Variants in ACVR2B observed in about 807,000 individuals in gnomAD.
The protein encoded by ACVR2B is activin A receptor type 2B.
ACVR2B carries 18 observed loss-of-function variants against 65.1 expected under a neutral mutation model. The ratio of observed to expected loss-of-function variants is 0.28; its 90% CI spans 0.19 to 0.41. The LOEUF is 0.41. Among genes scored for constraint, ACVR2B ranks in the 10% least tolerant of loss-of-function variants. ACVR2B has a pLI of 1.00. For missense variants in ACVR2B, 482 were observed against 682.7 expected (o/e 0.71, Z 3.28); for synonymous variants, 298 against 277.7 (o/e 1.07, Z -0.73).
At position 38,477,109 on chromosome 3, in the gene ACVR2B, TAAG is replaced by T; in HGVS notation, c.53-176_53-174del. The T allele has an allele frequency of 1.5e-6, 1 of 648,426 alleles. No individual in the cohort carries two copies. The highest frequency in any genetic ancestry group is 2.7e-6 in the Non-Finnish European group (1 of 373,788). The allele number at this position is 648,426 out of a possible 1,614,324, so 40.2% of individuals were successfully genotyped here. A position where few individuals can be genotyped will look rare whatever the true frequency, so the allele number is the denominator to read the frequency against. On this transcript the variant is annotated intron_variant, in intron 1 of 10. Transcript: ENST00000352511. The surrounding 1 kb of genome is among the most constrained non-coding windows in gnomAD (Gnocchi z 6.7). ...CTGGTGCCAGCTGGCACACGTAAAT[TAAG>T]AGGTGTGGGACGGATGGGTGGCCTA... is the stretch of plus-strand genomic sequence containing the variant.
In ACVR2B at chr3:38,478,391, C is replaced by A; in HGVS notation, c.539C>A (p.Pro180Gln). 6.2e-7 allele frequency: 1 copy of A among 1,614,112 alleles called. No individual in the cohort carries two copies. Among genetic ancestry groups the A allele is most frequent in the Non-Finnish European group, 8.5e-7 (1 of 1,179,994 alleles). The change falls in exon 5 of 11, where the codon CCA becomes CAA. Residue 180 changes from proline (P) to glutamine (Q), a missense_variant. Coordinates refer to ENST00000352511, the MANE Select transcript of ACVR2B (RefSeq NM_001106.4). Reference sequence around the variant, plus strand: ...CTCCCCCAGGACCCTGGGCCTCCACCACCATCCCCTCTGGTGGGCCTGAAG... The same window carrying A: ...CTCCCCCAGGACCCTGGGCCTCCACAACCATCCCCTCTGGTGGGCCTGAAG... ...VDIHEDPGPPPPSPLVGLKPL... is the reference protein window; with the variant it reads ...VDIHEDPGPPQPSPLVGLKPL...
intron 1 of ACVR2B, among the ~76,000 whole-genome samples, chr3:38,460,879 C>G (rs1417469060): frequency 6.6e-6 from 1 of 152,180 alleles, no homozygotes; most frequent in Non-Finnish European, 1.5e-5. Context: ...AAAATTAGTT[C>G]TGGAGAAGGA....
intron 1 of ACVR2B, among the ~76,000 whole-genome samples, chr3:38,462,478 A>G (rs1041824860): frequency 6.6e-6 from 1 of 152,206 alleles, no homozygotes; most frequent in African/African-American, 2.4e-5. Context: ...CTACTATTCT[A>G]ACTTCTAACA....
In ACVR2B at chr3:38,477,965, C is replaced by T. The variant is rs760979000; in HGVS notation, c.365C>T (p.Pro122Leu). 16 of 1,613,880 alleles carry T rather than the reference C, an allele frequency of 9.9e-6. No homozygotes were observed. The highest frequency in any genetic ancestry group is 5.3e-5 in the African/African-American group (4 of 74,898). Residue 122 changes from proline to leucine, a missense_variant, in exon 3 of 11, where the codon CCG becomes CTG. By Grantham distance (98) the Pro-to-Leu change is moderately conservative. Around this residue, in one of 5 missense-constraint regions of ACVR2B, gnomAD observed 85 missense variants for 137.3 expected, o/e 0.62. Coordinates refer to ENST00000352511, the MANE Select transcript of ACVR2B (RefSeq NM_001106.4). The surrounding 1 kb of genome is among the most constrained non-coding windows in gnomAD (Gnocchi z 6.7). ...RFTHLPEAGG[P>L]EVTYEPPPTA... ...ACTCATTTGCCAGAGGCTGGGGGCCCGGAAGGTAAGGGGGCAGTGTGGAAG... is the reference window on the plus strand; with the variant it reads ...ACTCATTTGCCAGAGGCTGGGGGCCTGGAAGGTAAGGGGGCAGTGTGGAAG...
rs10421 is a variant in ACVR2B at position 38,483,354 on chromosome 3, C to G, written c.*22C>G. 1 of 1,613,318 alleles carries G rather than the reference C, an allele frequency of 6.2e-7. No homozygotes were observed. ...CTAAGCCCAGGACATGAGTGTCTGT[C>G]CAGACTCAGTGGATCTGAAGAAAAA... On this transcript the variant is annotated 3_prime_UTR_variant, in exon 11 of 11. Coordinates refer to ENST00000352511, the MANE Select transcript of ACVR2B (RefSeq NM_001106.4). The surrounding 1 kb of genome is among the most constrained non-coding windows in gnomAD (Gnocchi z 4.8).
At chr3:38,457,971 G>C (rs1709578347) in intron 1 of ACVR2B, among the ~76,000 whole-genome samples, 1 of 152,142 alleles carries the variant, frequency 6.6e-6, no homozygotes, top group South Asian at 2.1e-4. Flanking sequence ...GGGCACTCGA[G>C]GCTCTGCCCT....
At position 38,453,945 on chromosome 3, in the gene ACVR2B, T is replaced by TC. The variant is rs748368722; in HGVS notation, c.-371dup. ...CATTTTGGACTCGGTTCAGCTCCCC[T>TC]CCCCCCCACCCCTCCCCCCGTTCAT... On this transcript the variant is annotated 5_prime_UTR_variant, in exon 1 of 11. Transcript: ENST00000352511. The TC allele has an allele frequency of 2.3e-4, 15 of 65,650 alleles. No homozygotes were observed. Among genetic ancestry groups the TC allele is most frequent in the East Asian group, 8.3e-4 (2 of 2,408 alleles). 4.1% of individuals were successfully genotyped at this position (65,650 alleles called of 1,614,324 possible).
chr3:38,460,121 GT>G (rs1003910325), intron 1 of ACVR2B, among the ~76,000 whole-genome samples: 40 of 152,298 alleles, frequency 2.6e-4, no homozygotes, highest in Admixed American at 9.1e-4. Flanking sequence ...AGACTTCCTA[GT>G]TCCATCTGTT....
At chr3:38,478,096 G>A in intron 3 of ACVR2B, 45 bp from the exon 4 acceptor site, 1 of 1,610,374 alleles carries the variant, frequency 6.2e-7, no homozygotes. Flanking sequence ...CTGGAAGTGT[G>A]AGGGTGGGCA....
In ACVR2B at chr3:38,477,624, T is replaced by A; in HGVS notation, c.260+130T>A. 7 of 1,193,452 alleles carry A rather than the reference T, an allele frequency of 5.9e-6. No individual in the cohort carries two copies. The highest frequency in any genetic ancestry group is 8.5e-6 in the Non-Finnish European group (7 of 821,228). The allele number at this position is 1,193,452 out of a possible 1,614,324, so 73.9% of individuals were successfully genotyped here. ...GAAGGGGCTCTTGAGATGGTAGCCA[T>A]GGCCCCACGCCCTTCCACACCCTAT... is the stretch of plus-strand genomic sequence containing the variant. On this transcript the variant is annotated intron_variant, in intron 2 of 10. Coordinates refer to ENST00000352511, the MANE Select transcript of ACVR2B (RefSeq NM_001106.4). This position sits in a 1 kb window ranked among gnomAD's most constrained non-coding sequence, Gnocchi z 6.7.
In ACVR2B at chr3:38,487,500, G is replaced by C. The variant is rs1291262093; in HGVS notation, c.*4168G>C. 6.6e-6 allele frequency: 1 copy of C among 152,324 alleles called. No homozygotes were observed. 9.4% of individuals were successfully genotyped at this position (152,324 alleles called of 1,614,324 possible). A position where few individuals can be genotyped will look rare whatever the true frequency, so the allele number is the denominator to read the frequency against. Reference sequence around the variant, plus strand: ...ATCCTGCTATGCTTTGTGTGCTCGGGCTGTGTGTGGGGTTTTTCCCTGGTG... The same window carrying C: ...ATCCTGCTATGCTTTGTGTGCTCGGCCTGTGTGTGGGGTTTTTCCCTGGTG... On this transcript the variant is annotated 3_prime_UTR_variant, in exon 11 of 11. Transcript: ENST00000352511.
chr3:38,454,506 C>CG, intron 1 of ACVR2B, 132 bp downstream of exon 1: 1 of 837,028 alleles, frequency 1.2e-6, no homozygotes, highest in Non-Finnish European at 1.6e-6. Context: ...CCCTCACCTC[C>CG]GGGGGCGTGG....
intron 1 of ACVR2B, among the ~76,000 whole-genome samples, chr3:38,457,134 G>T (rs991929865): frequency 6.6e-6 from 1 of 152,164 alleles, no homozygotes; most frequent in African/African-American, 2.4e-5. Flanking sequence ...AACCCGGGAG[G>T]TAGAGGTTGC....
intron 1 of ACVR2B, among the ~76,000 whole-genome samples, chr3:38,456,576 T>C (rs966356064): frequency 6.6e-6 from 1 of 152,194 alleles, no homozygotes; most frequent in Admixed American, 6.5e-5. Flanking sequence ...GAAATTTATA[T>C]TGTCAAAGTT....
Position 38,478,376 on chromosome 3 carries a change from A to ACC in ACVR2B, c.526_527dup (p.Gly177LeufsTer12). 6.2e-7 allele frequency: 1 copy of ACC among 1,613,960 alleles called. No individual in the cohort carries two copies. The highest frequency in any genetic ancestry group is 1.3e-5 in the African/African-American group (1 of 74,988). On this transcript the variant is annotated frameshift_variant and splice_region_variant, in exon 5 of 11. Coordinates refer to ENST00000352511, the MANE Select transcript of ACVR2B (RefSeq NM_001106.4). LOFTEE classifies it high-confidence loss of function. Reference sequence around the variant, plus strand: ...TTTTTAAGCCTTGCTCTCCCCCAGGACCCTGGGCCTCCACCACCATCCCCT... The same window carrying ACC: ...TTTTTAAGCCTTGCTCTCCCCCAGGACCCCCTGGGCCTCCACCACCATCCCCT...
chr3:38,461,153 G>A (rs940194625), intron 1 of ACVR2B, among the ~76,000 whole-genome samples: 3 of 152,180 alleles, frequency 2.0e-5, no homozygotes, highest in African/African-American at 7.2e-5. Context: ...TCAGGTATGA[G>A]GACAATGCCT....
chr3:38,483,187 C>G lies in ACVR2B; in HGVS notation c.1394C>G (p.Ala465Gly). ...ATCGAGGAGTGCTGGGACCATGATG[C>G]AGAGGCTCGCTTGTCCGCGGGCTGT... is the stretch of plus-strand genomic sequence containing the variant. Reference protein sequence around the residue: ...VTIEECWDHDAEARLSAGCVE... With the variant: ...VTIEECWDHDGEARLSAGCVE... Residue 465 changes from alanine (A) to glycine (G), a missense_variant, in exon 11 of 11, where the codon GCA (alanine) becomes GGA (glycine). By Grantham distance (60) the Ala-to-Gly change is moderately conservative. Around this residue, in one of 5 missense-constraint regions of ACVR2B, gnomAD observed 223 missense variants for 386.3 expected, o/e 0.58. Coordinates refer to ENST00000352511, the MANE Select transcript of ACVR2B (RefSeq NM_001106.4). The surrounding 1 kb of genome is among the most constrained non-coding windows in gnomAD (Gnocchi z 4.8). 5.0e-6 allele frequency: 8 copies of G among 1,614,174 alleles called. No individual in the cohort carries two copies. The highest frequency in any genetic ancestry group is 6.8e-6 in the Non-Finnish European group (8 of 1,180,042).
intron 1 of ACVR2B, among the ~76,000 whole-genome samples, chr3:38,466,653 G>C (rs573066767): frequency 6.6e-6 from 1 of 151,972 alleles, no homozygotes; most frequent in African/African-American, 2.4e-5. Flanking sequence ...ACAGGCACAC[G>C]CCACCAAGCC....
At chr3:38,457,916 C>T (rs1289116699) in intron 1 of ACVR2B, among the ~76,000 whole-genome samples, 2 of 152,066 alleles carry the variant, frequency 1.3e-5, no homozygotes, top group African/African-American at 2.4e-5. Context: ...CGTGGGTGCC[C>T]CTCCCAGAGA....
Sources: gnomAD v4.1 joint callset for allele counts (sites outside exome capture counted in the v4.1 genomes callset) on GRCh38, gnomAD v4.1.1 for gene constraint, gnomAD v4.1.1 regional missense constraint, Gnocchi (gnomAD v3.1) non-coding constraint, MANE v1.5 for transcripts, NCBI Gene and HGNC (gene_info 2026-07-23, HGNC 2026-07-21) for gene names.